Variants in HS6ST3 observed in about 807,000 individuals in gnomAD.
HS6ST3 encodes the protein heparan-sulfate 6-O-sulfotransferase 3.
HS6ST3 carries 12 observed loss-of-function variants against 36.7 expected under a neutral mutation model. That is an observed-to-expected ratio of 0.33 (90% CI 0.21 to 0.53). The LOEUF (loss-of-function observed/expected upper bound fraction) is 0.53, where lower values mean the gene tolerates loss of function less well. Ranked by LOEUF, HS6ST3 falls within the 20% of genes least tolerant of loss-of-function variation. The pLI is 0.95. For synonymous variants in HS6ST3, 240 were observed against 257.5 expected (o/e 0.93, Z 0.65); for missense variants, 584 against 640.9 (o/e 0.91, Z 0.96).
At chr13:96,200,426 C>A (rs930004554) in intron 1 of HS6ST3, among the ~76,000 whole-genome samples, 1 of 152,108 alleles carries the variant, frequency 6.6e-6, no homozygotes, top group Admixed American at 6.5e-5. Context: ...CTGGAAGGCT[C>A]CTCTCTTAGG....
chr13:96,254,506 C>CAT (rs1566302766), intron 1 of HS6ST3, among the ~76,000 whole-genome samples: 1 of 20,310 alleles, frequency 4.9e-5, no homozygotes, highest in African/African-American at 1.5e-4. Flanking sequence ...TATACACATA[C>CAT]ATACACACAC....
chr13:96,335,304 C>G (rs1352598773), intron 1 of HS6ST3, among the ~76,000 whole-genome samples: 3 of 152,152 alleles, frequency 2.0e-5, no homozygotes, highest in African/African-American at 7.2e-5. Flanking sequence ...TCACCCAGAC[C>G]TGCTTTTGAC....
intron 1 of HS6ST3, among the ~76,000 whole-genome samples, chr13:96,195,077 G>A (rs781093452): frequency 2.6e-5 from 4 of 152,166 alleles, no homozygotes; most frequent in Non-Finnish European, 4.4e-5. Context: ...CTTCAAGAGA[G>A]CAATATGTTG....
At chr13:96,658,340 G>T (rs1369645758) in intron 1 of HS6ST3, among the ~76,000 whole-genome samples, 15 of 134,234 alleles carry the variant, frequency 1.1e-4, no homozygotes, top group Non-Finnish European at 1.8e-4. Context: ...GAGTGCAATG[G>T]CACAATCTTG....
chr13:96,350,595 G>C (rs1359958473), intron 1 of HS6ST3, among the ~76,000 whole-genome samples: 1 of 152,194 alleles, frequency 6.6e-6, no homozygotes, highest in Non-Finnish European at 1.5e-5. Context: ...TAAGGCGCTA[G>C]ATGTTCTTCT....
intron 1 of HS6ST3, among the ~76,000 whole-genome samples, chr13:96,143,668 T>C (rs2054042874): frequency 6.6e-6 from 1 of 152,098 alleles, no homozygotes; most frequent in South Asian, 2.1e-4. Context: ...AAAAATGAAT[T>C]ATTTCCCTTT....
intron 1 of HS6ST3, among the ~76,000 whole-genome samples, chr13:96,599,522 C>G (rs1566407848): frequency 6.6e-6 from 1 of 150,770 alleles, no homozygotes; most frequent in African/African-American, 2.4e-5. Flanking sequence ...AGTCTTCTCT[C>G]TTTTTTTTTC....
At chr13:96,685,859 A>G (rs999777629) in intron 1 of HS6ST3, among the ~76,000 whole-genome samples, 1 of 152,070 alleles carries the variant, frequency 6.6e-6, no homozygotes, top group Non-Finnish European at 1.5e-5. Context: ...TGCCACTTTC[A>G]TTCCCTGACA....
intron 1 of HS6ST3, among the ~76,000 whole-genome samples, chr13:96,551,850 C>G (rs1368198157): frequency 6.6e-6 from 1 of 152,146 alleles, no homozygotes; most frequent in Non-Finnish European, 1.5e-5. Context: ...CAGCTCTATG[C>G]CAGCTCTGTA....
chr13:96,199,085 G>A (rs571924989), intron 1 of HS6ST3, among the ~76,000 whole-genome samples: 1 of 152,278 alleles, frequency 6.6e-6, no homozygotes, highest in Non-Finnish European at 1.5e-5. Context: ...ATCAGATCTC[G>A]TGAGACTTAT....
chr13:96,408,374 A>G (rs1322521415), intron 1 of HS6ST3, among the ~76,000 whole-genome samples: 1 of 152,192 alleles, frequency 6.6e-6, no homozygotes, highest in Non-Finnish European at 1.5e-5. Context: ...TGCATGAAAA[A>G]TATTCTCCAA....
intron 1 of HS6ST3, among the ~76,000 whole-genome samples, chr13:96,747,756 A>C (rs1447311703): frequency 6.6e-6 from 1 of 152,014 alleles, no homozygotes; most frequent in African/African-American, 2.4e-5. Flanking sequence ...AATGAGAAGG[A>C]TCTCACTGTG....
chr13:96,305,506 A>C (rs968563253), intron 1 of HS6ST3, among the ~76,000 whole-genome samples: 5 of 152,208 alleles, frequency 3.3e-5, no homozygotes, highest in Non-Finnish European at 7.4e-5. Context: ...GGATCTGTAC[A>C]GATTTTACTG....
intron 1 of HS6ST3, among the ~76,000 whole-genome samples, chr13:96,399,750 A>G (rs954272444): frequency 2.0e-5 from 3 of 152,352 alleles, no homozygotes; most frequent in Non-Finnish European, 4.4e-5. Context: ...CTCTCTTCTT[A>G]CGGGCTTTCA....
At chr13:96,266,676 A>G (rs1317524659) in intron 1 of HS6ST3, among the ~76,000 whole-genome samples, 2 of 151,944 alleles carry the variant, frequency 1.3e-5, no homozygotes, top group African/African-American at 2.4e-5. Flanking sequence ...AATTCTTTTC[A>G]TTTTCAATGA....
chr13:96,392,088 C>T (rs1452146290), intron 1 of HS6ST3, among the ~76,000 whole-genome samples: 1 of 152,162 alleles, frequency 6.6e-6, no homozygotes, highest in Non-Finnish European at 1.5e-5. Flanking sequence ...CTGTCCATTC[C>T]CTTCCCTTCT....
intron 1 of HS6ST3, among the ~76,000 whole-genome samples, chr13:96,343,252 C>T (rs912297081): frequency 1.3e-5 from 2 of 152,188 alleles, no homozygotes; most frequent in South Asian, 2.1e-4. Flanking sequence ...CATTATCTAT[C>T]GGTCAGAAGT....
intron 1 of HS6ST3, among the ~76,000 whole-genome samples, chr13:96,245,841 A>G (rs1367351383): frequency 6.6e-6 from 1 of 152,184 alleles, no homozygotes; most frequent in Non-Finnish European, 1.5e-5. Flanking sequence ...CTACTCTGAA[A>G]TAGAAGCCCC....
chr13:96,203,511 CA>C (rs2054353599), intron 1 of HS6ST3, among the ~76,000 whole-genome samples: 1 of 152,188 alleles, frequency 6.6e-6, no homozygotes, highest in African/African-American at 2.4e-5. Flanking sequence ...CAGTCTATAG[CA>C]AACACCATAC....
Sources: gnomAD v4.1 joint callset for allele counts (sites outside exome capture counted in the v4.1 genomes callset) on GRCh38, gnomAD v4.1.1 for gene constraint, MANE v1.5 for transcripts, NCBI Gene and HGNC (gene_info 2026-07-23, HGNC 2026-07-21) for gene names.